Variants in KCNK10 observed in about 807,000 individuals in gnomAD.
The protein encoded by KCNK10 is potassium channel subfamily K member 10.
Under a neutral mutation model 47.7 loss-of-function variants are expected in KCNK10, and 25 were observed. The observed-to-expected ratio is 0.52, with a 90% CI of 0.38 to 0.73. KCNK10 has a LOEUF of 0.73. Ranked by LOEUF, KCNK10 falls within the 30% of genes least tolerant of loss-of-function variation. KCNK10 has a pLI of 0.00. For synonymous variants in KCNK10, 303 were observed against 285.6 expected (o/e 1.06, Z -0.61); for missense variants, 563 against 714.5 (o/e 0.79, Z 2.42).
At chr14:88,202,305 C>T (rs576161758) in intron 4 of KCNK10, among the ~76,000 whole-genome samples, 1 of 152,216 alleles carries the variant, frequency 6.6e-6, no homozygotes, top group African/African-American at 2.4e-5. Context: ...CAGGGCATGT[C>T]CACGTCAGAG....
chr14:88,258,113 A>T (rs1379061210), intron 2 of KCNK10, among the ~76,000 whole-genome samples: 1 of 152,046 alleles, frequency 6.6e-6, no homozygotes, highest in Admixed American at 6.6e-5. Flanking sequence ...CCTGAATAAT[A>T]TAAAGAACAG....
intron 3 of KCNK10, among the ~76,000 whole-genome samples, chr14:88,229,160 T>C (rs1244181550): frequency 2.0e-5 from 3 of 152,186 alleles, no homozygotes; most frequent in African/African-American, 7.2e-5. Flanking sequence ...AAGAAATATA[T>C]TGCAGACATA....
intron 3 of KCNK10, among the ~76,000 whole-genome samples, chr14:88,232,332 T>C (rs1886180844): frequency 6.6e-6 from 1 of 152,256 alleles, no homozygotes; most frequent in Non-Finnish European, 1.5e-5. Flanking sequence ...TCACAATTAA[T>C]GAAATACACA....
chr14:88,325,111 A>C (rs1371438357), upstream of KCNK10, among the ~76,000 whole-genome samples: 1 of 152,186 alleles, frequency 6.6e-6, no homozygotes, highest in Admixed American at 6.5e-5. Flanking sequence ...CATAGAAATC[A>C]AACAAACAAG....
Position 88,255,498 on chromosome 14 carries a change from A to C in KCNK10, c.402+7704T>G, listed in dbSNP as rs1047838308. Among the ~76,000 whole-genome samples, 4 of 151,354 alleles carry C rather than the reference A, an allele frequency of 2.6e-5. No homozygotes were observed. In the South Asian group the frequency reaches 6.3e-4, roughly 24 times the overall value. On this transcript the variant is annotated intron_variant, in intron 2 of 6. Transcript: ENST00000319231. ...TGCTTGAGGCCAGGAGTTTCAGACC[A>C]GCACGAGCAACACAGTGAGACCCTG...
intron 5 of KCNK10, among the ~76,000 whole-genome samples, chr14:88,191,105 C>G (rs962838130): frequency 2.0e-5 from 3 of 151,972 alleles, no homozygotes; most frequent in Admixed American, 6.6e-5. Context: ...TAAAAAATAG[C>G]CAGGCATGGT....
intron 1 of KCNK10, among the ~76,000 whole-genome samples, chr14:88,264,553 AAG>A (rs1455316730): frequency 6.6e-6 from 1 of 152,172 alleles, no homozygotes; most frequent in Non-Finnish European, 1.5e-5. Context: ...GGAAAAGTCA[AAG>A]AGCAGGCTAT....
chr14:88,270,948 A>T, intron 1 of KCNK10: 1 of 698,778 alleles, frequency 1.4e-6, no homozygotes, highest in Non-Finnish European at 2.6e-6. Context: ...GCGCCTGCCT[A>T]TCTCACAGGC....
intron 4 of KCNK10, among the ~76,000 whole-genome samples, chr14:88,222,558 GATGCATCA>G (rs2139866451): frequency 6.6e-6 from 1 of 152,274 alleles, no homozygotes; most frequent in South Asian, 2.1e-4. Flanking sequence ...AGGTGATAAT[GATGCATCA>G]ATGTAGGTTC....
At chr14:88,246,321 A>G (rs1026656346) in intron 2 of KCNK10, among the ~76,000 whole-genome samples, 2 of 151,800 alleles carry the variant, frequency 1.3e-5, no homozygotes, top group Non-Finnish European at 2.9e-5. Flanking sequence ...AGTTGGGAGG[A>G]AAGCCACAAA....
rs557160909 is a variant in KCNK10 at position 88,277,383 on chromosome 14, T to C, written c.53-13832A>G. On this transcript the variant is annotated intron_variant, in intron 1 of 6. Coordinates refer to ENST00000319231, the MANE Select transcript of KCNK10 (RefSeq NM_138317.3). ...ATTTCCTCTGAAGTGGCTCCTCTAA[T>C]GCATATCAGTGCTGCTGACATCAGC... 1.8e-4 allele frequency among the ~76,000 whole-genome samples: 27 copies of C among 152,350 alleles called. No homozygotes were observed. The East Asian group carries it at 5.0e-3, about 28-fold the overall frequency.
upstream of KCNK10, among the ~76,000 whole-genome samples, chr14:88,325,939 A>AGGGGAG (rs750058265): frequency 6.9e-5 from 10 of 144,984 alleles, no homozygotes; most frequent in Non-Finnish European, 1.2e-4. Flanking sequence ...GATGGTTATA[A>AGGGGAG]GGGGAGGGTT....
intron 2 of KCNK10, among the ~76,000 whole-genome samples, chr14:88,250,029 ACT>A (rs1886750482): frequency 6.6e-6 from 1 of 152,050 alleles, no homozygotes; most frequent in Non-Finnish European, 1.5e-5. Flanking sequence ...ATACAGCCAC[ACT>A]CTAAAGGAGA....
intron 4 of KCNK10, among the ~76,000 whole-genome samples, chr14:88,206,296 T>C (rs951167859): frequency 2.6e-5 from 4 of 152,160 alleles, no homozygotes; most frequent in Admixed American, 2.0e-4. Context: ...ACGTTTGGCA[T>C]GTACTGGGAG....
At chr14:88,267,069 T>A (rs535663943) in intron 1 of KCNK10, among the ~76,000 whole-genome samples, 28 of 152,380 alleles carry the variant, frequency 1.8e-4, no homozygotes, top group African/African-American at 6.7e-4. Context: ...AGTGACAGCA[T>A]GACCTCGAAA....
chr14:88,199,281 T>C (rs945277633), intron 4 of KCNK10, among the ~76,000 whole-genome samples: 12 of 151,910 alleles, frequency 7.9e-5, no homozygotes, highest in Non-Finnish European at 1.2e-4. Flanking sequence ...GGGAAAGAGG[T>C]GAAATCCTCT....
chr14:88,301,749 A>G (rs1455135470), intron 1 of KCNK10, among the ~76,000 whole-genome samples: 2 of 152,138 alleles, frequency 1.3e-5, no homozygotes, highest in Non-Finnish European at 2.9e-5. Context: ...TTAGAGGAAG[A>G]CGGCTCAAGA....
chr14:88,313,461 T>C (rs1888368549), intron 1 of KCNK10, among the ~76,000 whole-genome samples: 2 of 152,234 alleles, frequency 1.3e-5, no homozygotes, highest in Non-Finnish European at 2.9e-5. Context: ...GTGTTGCCAA[T>C]TCCACCTTGT....
rs10541410 is a variant in KCNK10 at position 88,281,727 on chromosome 14, C to CATAT, written c.53-18180_53-18177dup. Among the ~76,000 whole-genome samples, 1,308 of 141,718 alleles carry CATAT rather than the reference C, an allele frequency of 9.2e-3. 18 individuals carry two copies. The highest frequency in any genetic ancestry group is 0.021 in the South Asian group (93 of 4,352). The allele number at this position is 141,718 out of a possible 152,430, so 93.0% of individuals were successfully genotyped here. A position where few individuals can be genotyped will look rare whatever the true frequency, so the allele number is the denominator to read the frequency against. ...ATAAATAAATCTCTCTCTCTCTCTCCATATATATATATATATATATATATA... is the reference window on the plus strand; with the variant it reads ...ATAAATAAATCTCTCTCTCTCTCTCCATATATATATATATATATATATATATATA... On this transcript the variant is annotated intron_variant, in intron 1 of 6. Transcript: ENST00000319231.
Sources: allele counts gnomAD v4.1 joint callset (sites outside exome capture counted in the v4.1 genomes callset), GRCh38; gene constraint gnomAD v4.1.1; transcripts MANE v1.5; gene names NCBI Gene and HGNC (gene_info 2026-07-23, HGNC 2026-07-21).